TRERF1: variants seen among roughly 807,000 people sequenced by gnomAD.
TRERF1 encodes transcriptional regulating factor 1.
Under a neutral mutation model 122.9 loss-of-function variants are expected in TRERF1, and 27 were observed. That is an observed-to-expected ratio of 0.22 (90% CI 0.16 to 0.30). The LOEUF (loss-of-function observed/expected upper bound fraction) is 0.30, where lower values mean the gene tolerates loss of function less well. Ranked by LOEUF, TRERF1 falls within the 10% of genes least tolerant of loss-of-function variation. The pLI, the probability that TRERF1 is intolerant of heterozygous loss-of-function variation, is 1.00. For missense variants in TRERF1, 1,248 were observed against 1,560.3 expected (o/e 0.80, Z 3.37); for synonymous variants, 636 against 641.7 (o/e 0.99, Z 0.13).
At chr6:42,289,079 T>A (rs1783821459) in intron 4 of TRERF1, among the ~76,000 whole-genome samples, 1 of 151,870 alleles carries the variant, frequency 6.6e-6, no homozygotes, top group African/African-American at 2.4e-5. Context: ...ATCCCAGCAC[T>A]TTGGGAGGCC....
intron 3 of TRERF1, among the ~76,000 whole-genome samples, chr6:42,308,898 C>T (rs1230960957): frequency 1.3e-5 from 2 of 151,950 alleles, no homozygotes; most frequent in Non-Finnish European, 2.9e-5. Context: ...ATAAGTTTAC[C>T]TCTGTAACAA....
chr6:42,372,792 T>C (rs984956439), intron 2 of TRERF1, among the ~76,000 whole-genome samples: 1 of 151,996 alleles, frequency 6.6e-6, no homozygotes, highest in Non-Finnish European at 1.5e-5. Flanking sequence ...GGAGAGGAAG[T>C]AGGAAGACCA....
At chr6:42,361,156 T>C (rs687571) in intron 3 of TRERF1, among the ~76,000 whole-genome samples, 39,273 of 151,912 alleles carry the variant, frequency 0.26, 8,524 homozygotes, top group African/African-American at 0.58. Flanking sequence ...ATTCAGGAGG[T>C]CTGAGAGAGC....
At chr6:42,399,079 G>A (rs1779021824) in intron 2 of TRERF1, among the ~76,000 whole-genome samples, 3 of 152,188 alleles carry the variant, frequency 2.0e-5, no homozygotes, top group Admixed American at 2.0e-4. Flanking sequence ...AAGGAAGTCA[G>A]GCAGCATGGA....
At chr6:42,352,648 T>C (rs1207268039) in intron 3 of TRERF1, among the ~76,000 whole-genome samples, 3 of 152,162 alleles carry the variant, frequency 2.0e-5, no homozygotes, top group Non-Finnish European at 4.4e-5. Flanking sequence ...GGACAAATGA[T>C]TGTACAAAAA....
chr6:42,427,148 C>T (rs376030566), intron 2 of TRERF1, among the ~76,000 whole-genome samples: 1 of 151,888 alleles, frequency 6.6e-6, no homozygotes, highest in Admixed American at 6.5e-5. Context: ...TAGCAAGAAC[C>T]TATCTCTATA....
intron 2 of TRERF1, among the ~76,000 whole-genome samples, chr6:42,414,683 C>T (rs1320307971): frequency 6.6e-6 from 1 of 152,222 alleles, no homozygotes; most frequent in Non-Finnish European, 1.5e-5. Context: ...CAAAAGCTCA[C>T]CAATTATTCA....
intron 2 of TRERF1, among the ~76,000 whole-genome samples, chr6:42,443,782 C>T (rs189453443): frequency 4.3e-4 from 66 of 152,250 alleles, no homozygotes; most frequent in African/African-American, 1.4e-3. Flanking sequence ...GGCAGCTACA[C>T]GTAGGGAACA....
chr6:42,301,597 G>A (rs1786216530), intron 3 of TRERF1, among the ~76,000 whole-genome samples: 1 of 152,188 alleles, frequency 6.6e-6, no homozygotes, highest in Non-Finnish European at 1.5e-5. Context: ...TAGTAAAAAT[G>A]AACTGCTAGA....
intron 2 of TRERF1, among the ~76,000 whole-genome samples, chr6:42,440,738 C>T (rs143296384): frequency 6.6e-6 from 1 of 152,268 alleles, no homozygotes; most frequent in East Asian, 1.9e-4. Flanking sequence ...ACAGTTCTTA[C>T]AGCATTTTGG....
At chr6:42,423,505 C>A (rs575625665) in intron 2 of TRERF1, among the ~76,000 whole-genome samples, 80 of 152,278 alleles carry the variant, frequency 5.3e-4, no homozygotes, top group African/African-American at 1.6e-3. Flanking sequence ...AATCACACAC[C>A]TGGCTGCAAA....
chr6:42,425,516 C>T (rs1004278290), intron 2 of TRERF1, among the ~76,000 whole-genome samples: 4 of 148,010 alleles, frequency 2.7e-5, no homozygotes, highest in East Asian at 2.0e-4. Flanking sequence ...TAAACCGACA[C>T]GGCCCCCTGG....
intron 2 of TRERF1, among the ~76,000 whole-genome samples, chr6:42,386,563 C>T (rs879842414): frequency 1.3e-5 from 2 of 152,136 alleles, no homozygotes; most frequent in Non-Finnish European, 2.9e-5. Context: ...TGGCATGGAG[C>T]GTGGACAAAA....
chr6:42,436,810 AAAAAATATATAT>A (rs1469127228), intron 2 of TRERF1, among the ~76,000 whole-genome samples: 2 of 102,266 alleles, frequency 2.0e-5, no homozygotes, highest in Non-Finnish European at 4.0e-5. Context: ...CAAAAAAAAA[AAAAAATATATAT>A]ATATATATAT....
Position 42,411,208 on chromosome 6 carries a change from G to C in TRERF1, c.-454+39969C>G, listed in dbSNP as rs73733191. On this transcript the variant is annotated intron_variant, in intron 2 of 17. Transcript: ENST00000372922. Reference sequence around the variant, plus strand: ...AACCCCTGAGAGTAGGACTAGTGATGCCAGCTACTAGTTATCAATAAACAC... The same window carrying C: ...AACCCCTGAGAGTAGGACTAGTGATCCCAGCTACTAGTTATCAATAAACAC... 8.1e-3 allele frequency among the ~76,000 whole-genome samples: 1,232 copies of C among 152,320 alleles called. 15 individuals carry two copies. Among genetic ancestry groups the C allele is most frequent in the African/African-American group, 0.028 (1,183 of 41,566 alleles).
intron 3 of TRERF1, among the ~76,000 whole-genome samples, chr6:42,331,550 C>G (rs888130901): frequency 2.0e-5 from 3 of 152,202 alleles, no homozygotes; most frequent in Admixed American, 6.5e-5. Flanking sequence ...GATCGCCCAC[C>G]GGATAACCAC....
intron 2 of TRERF1, among the ~76,000 whole-genome samples, chr6:42,366,980 CAGGGGCAACCAA>C (rs1478504066): frequency 6.6e-6 from 1 of 152,114 alleles, no homozygotes; most frequent in East Asian, 1.9e-4. Context: ...CTGCCCAAAC[CAGGGGCAACCAA>C]AGGGGCATTG....
rs1261447324 is a variant in TRERF1, at chr6:42,408,233, G to T, written c.-454+42944C>A. Among the ~76,000 whole-genome samples the T allele has an allele frequency of 2.2e-5, 2 of 90,904 alleles. 1 individual carries two copies. Among genetic ancestry groups the T allele is most frequent in the Non-Finnish European group, 4.4e-5 (2 of 45,522 alleles). The allele number at this position is 90,904 out of a possible 152,430, so 59.6% of individuals were successfully genotyped here. ...TAAATATATATATATATATATGTGT[G>T]TGTGTATGTATATATACATACACAT... On this transcript the variant is annotated intron_variant, in intron 2 of 17. Coordinates refer to ENST00000372922, the Ensembl canonical transcript of TRERF1.
At chr6:42,438,208 C>T (rs1785793287) in intron 2 of TRERF1, among the ~76,000 whole-genome samples, 1 of 151,750 alleles carries the variant, frequency 6.6e-6, no homozygotes. Flanking sequence ...AAGAGTGAGC[C>T]ACCGTGAGCG....
Sources: allele counts gnomAD v4.1 joint callset (sites outside exome capture counted in the v4.1 genomes callset), GRCh38; gene constraint gnomAD v4.1.1; transcripts MANE v1.5; gene names NCBI Gene and HGNC (gene_info 2026-07-23, HGNC 2026-07-21).